The following MKLN1 variants were observed in gnomAD, a reference collection of about 807,000 sequenced individuals.
MKLN1 encodes muskelin 1.
A neutral mutation model predicts 99.0 loss-of-function variants in MKLN1; 18 were observed. The ratio of observed to expected loss-of-function variants is 0.18; its 90% confidence interval spans 0.13 to 0.27. The LOEUF is 0.27. Among genes scored for constraint, MKLN1 ranks in the 10% least tolerant of loss-of-function variants. The pLI is 1.00. For missense variants in MKLN1, 621 were observed against 875.9 expected (o/e 0.71, Z 3.67); for synonymous variants, 288 against 293.2 (o/e 0.98, Z 0.18).
chr7:131,236,604 T>C (rs1480814440), intron 3 of MKLN1, among the ~76,000 whole-genome samples: 1 of 152,076 alleles, frequency 6.6e-6, no homozygotes, highest in East Asian at 1.9e-4. Context: ...GAGGTTGCAG[T>C]AAGCTGAGAT....
At chr7:131,315,727 C>A (rs1798655567) in intron 3 of MKLN1, among the ~76,000 whole-genome samples, 1 of 152,174 alleles carries the variant, frequency 6.6e-6, no homozygotes, top group South Asian at 2.1e-4. Context: ...GGGCATCTGC[C>A]ATTACTGAGG....
intron 2 of MKLN1, among the ~76,000 whole-genome samples, chr7:131,156,253 C>T (rs978539223): frequency 1.3e-5 from 2 of 151,870 alleles, no homozygotes; most frequent in Admixed American, 1.3e-4. Context: ...TTCGACCAGG[C>T]GCGGTGGCTC....
intron 3 of MKLN1, among the ~76,000 whole-genome samples, chr7:131,222,620 G>A (rs745943857): frequency 2.4e-4 from 36 of 152,130 alleles, no homozygotes; most frequent in African/African-American, 3.4e-4. Context: ...TGGCAGTCAC[G>A]TGTTCACAGG....
At chr7:131,381,314 A>G (rs1240797192) in intron 2 of MKLN1, among the ~76,000 whole-genome samples, 1 of 152,206 alleles carries the variant, frequency 6.6e-6, no homozygotes, top group African/African-American at 2.4e-5. Context: ...CATGTTTTCC[A>G]TGACAGTATC....
chr7:131,232,833 G>A (rs1258549320), intron 3 of MKLN1, among the ~76,000 whole-genome samples: 1 of 151,910 alleles, frequency 6.6e-6, no homozygotes, highest in East Asian at 1.9e-4. Flanking sequence ...GTGACAGAGG[G>A]AGACCCCATC....
chr7:131,255,065 A>AC (rs1797638723), intron 3 of MKLN1, among the ~76,000 whole-genome samples: 1 of 151,588 alleles, frequency 6.6e-6, no homozygotes, highest in South Asian at 2.1e-4. Flanking sequence ...GTTTAAAAAA[A>AC]TTTTTTTTTG....
intron 10 of MKLN1, 63 bp downstream of exon 10, chr7:131,438,060 G>A (rs1795725268): frequency 3.2e-6 from 4 of 1,269,034 alleles, no homozygotes; most frequent in Non-Finnish European, 4.6e-6. Context: ...TGCAATTAGA[G>A]TTTATGTTAG....
intron 3 of MKLN1, among the ~76,000 whole-genome samples, chr7:131,270,779 T>A (rs750247535): frequency 1.5e-4 from 23 of 152,048 alleles, no homozygotes; most frequent in Non-Finnish European, 3.2e-4. Context: ...AGGTTCTAAA[T>A]AAATGTTAAT....
intron 2 of MKLN1, among the ~76,000 whole-genome samples, chr7:131,159,609 A>G (rs1370729588): frequency 1.3e-5 from 2 of 152,168 alleles, no homozygotes; most frequent in African/African-American, 4.8e-5. Context: ...GCTAATGGGT[A>G]CAAACATAGA....
chr7:131,408,155 T>C (rs977452977), intron 6 of MKLN1, among the ~76,000 whole-genome samples: 4 of 152,166 alleles, frequency 2.6e-5, no homozygotes, highest in African/African-American at 4.8e-5. Flanking sequence ...AGAGCTAAGA[T>C]TTGAATTCAG....
intron 3 of MKLN1, among the ~76,000 whole-genome samples, chr7:131,228,759 G>C (rs750748230): frequency 6.6e-6 from 1 of 152,182 alleles, no homozygotes; most frequent in African/African-American, 2.4e-5. Context: ...CAATTTAAAA[G>C]ATCCATGCTA....
At chr7:131,248,900 T>C (rs1041327485) in intron 3 of MKLN1, among the ~76,000 whole-genome samples, 4 of 152,350 alleles carry the variant, frequency 2.6e-5, no homozygotes, top group South Asian at 4.1e-4. Flanking sequence ...AGAATCCATA[T>C]ACATTCAAGT....
At chr7:131,132,947 A>AAAG (rs1795578747) in intron 1 of MKLN1, among the ~76,000 whole-genome samples, 13 of 56,610 alleles carry the variant, frequency 2.3e-4, no homozygotes, top group East Asian at 2.0e-3. Flanking sequence ...AAAAAAAAAA[A>AAAG]AAAGAAAGAA....
intron 12 of MKLN1, among the ~76,000 whole-genome samples, chr7:131,459,579 A>G (rs1796453644): frequency 6.6e-6 from 1 of 152,120 alleles, no homozygotes. Flanking sequence ...TTGTGTTCTG[A>G]GCCCCTGACA....
chr7:131,118,698 A>C (rs1031489855), intron 1 of MKLN1, among the ~76,000 whole-genome samples: 3 of 152,236 alleles, frequency 2.0e-5, no homozygotes, highest in Non-Finnish European at 4.4e-5. Flanking sequence ...ATCATGGCGA[A>C]AGGTGAAGAG....
intron 12 of MKLN1, among the ~76,000 whole-genome samples, chr7:131,452,117 A>G (rs1297000977): frequency 6.6e-6 from 1 of 152,182 alleles, no homozygotes; most frequent in Non-Finnish European, 1.5e-5. Flanking sequence ...TGTTCTAACC[A>G]TTATAGCAGA....
intron 2 of MKLN1, among the ~76,000 whole-genome samples, chr7:131,202,230 G>C (rs1348974515): frequency 7.9e-6 from 1 of 125,992 alleles, no homozygotes; most frequent in Non-Finnish European, 1.6e-5. Context: ...TGTGATCTCA[G>C]CTCACTGCAA....
At chr7:131,431,194 C>A (rs1405795212) in intron 9 of MKLN1, among the ~76,000 whole-genome samples, 1 of 151,880 alleles carries the variant, frequency 6.6e-6, no homozygotes, top group Non-Finnish European at 1.5e-5. Context: ...TGTGCTCCAG[C>A]CTGGTCGACA....
At chr7:131,119,965 G>A (rs910521417) in intron 1 of MKLN1, among the ~76,000 whole-genome samples, 5 of 152,114 alleles carry the variant, frequency 3.3e-5, no homozygotes, top group African/African-American at 1.2e-4. Flanking sequence ...TTAAATATAA[G>A]TTCTAGTTTC....
Sources: gnomAD v4.1 joint callset for allele counts (sites outside exome capture counted in the v4.1 genomes callset) on GRCh38, gnomAD v4.1.1 for gene constraint, MANE v1.5 for transcripts, NCBI Gene and HGNC (gene_info 2026-07-23, HGNC 2026-07-21) for gene names.